The following EPDR1 variants were observed in gnomAD, a reference collection of about 807,000 sequenced individuals.
The protein encoded by EPDR1 is ependymin related 1.
EPDR1 carries 27 observed loss-of-function variants against 23.7 expected under a neutral mutation model. That is an observed-to-expected ratio of 1.14 (90% confidence interval 0.84 to 1.57). The LOEUF is 1.57. EPDR1 is among the 40% of genes most tolerant of loss of function. EPDR1 has a pLI of 0.00. For synonymous variants in EPDR1, 137 were observed against 118.2 expected (o/e 1.16, Z -1.03); for missense variants, 349 against 290.4 (o/e 1.20, Z -1.47).
chr7:37,935,153 G>A (rs1439853965), intron 1 of EPDR1, among the ~76,000 whole-genome samples: 1 of 151,990 alleles, frequency 6.6e-6, no homozygotes, highest in Non-Finnish European at 1.5e-5. Flanking sequence ...GTATCTACAG[G>A]GCTCCAATCT....
chr7:37,927,669 G>A (rs986056003), intron 1 of EPDR1, among the ~76,000 whole-genome samples: 1 of 152,190 alleles, frequency 6.6e-6, no homozygotes, highest in African/African-American at 2.4e-5. Context: ...GTGTTTCTGT[G>A]TGACTGGGGG....
chr7:37,942,893 T>C (rs1471811835), intron 1 of EPDR1, among the ~76,000 whole-genome samples: 2 of 152,160 alleles, frequency 1.3e-5, no homozygotes, highest in African/African-American at 4.8e-5. Context: ...CAGGAAACAA[T>C]GGAAATTGTC....
intron 1 of EPDR1, among the ~76,000 whole-genome samples, chr7:37,947,775 A>G (rs1403880488): frequency 6.6e-6 from 1 of 152,176 alleles, no homozygotes; most frequent in East Asian, 1.9e-4. Context: ...CCCAACACCA[A>G]GATGTCTCAG....
intron 1 of EPDR1, among the ~76,000 whole-genome samples, chr7:37,921,989 T>C (rs1465816921): frequency 2.0e-5 from 3 of 152,204 alleles, no homozygotes; most frequent in African/African-American, 7.2e-5. Flanking sequence ...TTCACATCTG[T>C]TGTGACAAAG....
chr7:37,933,890 A>G (rs1785993162), intron 1 of EPDR1, among the ~76,000 whole-genome samples: 1 of 152,226 alleles, frequency 6.6e-6, no homozygotes, highest in East Asian at 1.9e-4. Flanking sequence ...TGTTTACTCC[A>G]GAATTCTTGG....
At chr7:37,927,220 G>A (rs1392475510) in intron 1 of EPDR1, among the ~76,000 whole-genome samples, 1 of 152,084 alleles carries the variant, frequency 6.6e-6, no homozygotes, top group Non-Finnish European at 1.5e-5. Context: ...ACAAAGCAAG[G>A]GGTGTTAAGT....
At chr7:37,948,431 A>C (rs2722274) in intron 1 of EPDR1, among the ~76,000 whole-genome samples, 134,041 of 151,396 alleles carry the variant, frequency 0.89, 59,498 homozygotes, top group Admixed American at 0.91. Context: ...GAAGCTTTGA[A>C]CTCCCAGGCT....
At chr7:37,933,033 A>G (rs1406922146) in intron 1 of EPDR1, among the ~76,000 whole-genome samples, 1 of 152,216 alleles carries the variant, frequency 6.6e-6, no homozygotes, top group African/African-American at 2.4e-5. Context: ...TAAGTAATTT[A>G]ATTTTCCTTT....
chr7:37,939,930 G>T (rs2132013759), intron 1 of EPDR1, among the ~76,000 whole-genome samples: 1 of 152,220 alleles, frequency 6.6e-6, no homozygotes, highest in African/African-American at 2.4e-5. Flanking sequence ...CTTTTGACCT[G>T]GTAATTCCAC....
At chr7:37,931,421 G>A (rs1785935676) in intron 1 of EPDR1, among the ~76,000 whole-genome samples, 1 of 152,186 alleles carries the variant, frequency 6.6e-6, no homozygotes, top group Admixed American at 6.5e-5. Context: ...GGCTGAGGCA[G>A]GAGAATTGCT....
At chr7:37,942,116 C>T (rs1171312219) in intron 1 of EPDR1, among the ~76,000 whole-genome samples, 1 of 151,988 alleles carries the variant, frequency 6.6e-6, no homozygotes, top group Non-Finnish European at 1.5e-5. Context: ...CACTCATTTG[C>T]GTAAAATGAG....
chr7:37,939,123 C>G (rs1305801567), intron 1 of EPDR1, among the ~76,000 whole-genome samples: 1 of 151,894 alleles, frequency 6.6e-6, no homozygotes, highest in Non-Finnish European at 1.5e-5. Context: ...GAAATACAGG[C>G]GCCCACCACC....
At chr7:37,935,468 A>G (rs1188877141) in intron 1 of EPDR1, among the ~76,000 whole-genome samples, 1 of 152,202 alleles carries the variant, frequency 6.6e-6, no homozygotes, top group Non-Finnish European at 1.5e-5. Flanking sequence ...TTTATATAAC[A>G]ATTTTATATC....
intron 1 of EPDR1, among the ~76,000 whole-genome samples, chr7:37,947,850 G>A (rs1291811511): frequency 1.3e-5 from 2 of 152,190 alleles, no homozygotes; most frequent in African/African-American, 2.4e-5. Flanking sequence ...CTCAGCCTCT[G>A]AATATCTCCC....
intron 1 of EPDR1, among the ~76,000 whole-genome samples, chr7:37,933,426 G>A (rs749545453): frequency 6.6e-6 from 1 of 152,158 alleles, no homozygotes; most frequent in Non-Finnish European, 1.5e-5. Flanking sequence ...AAGGCACATG[G>A]TGTTTAAGAG....
chr7:37,948,342 A>AT (rs56967310), intron 1 of EPDR1, among the ~76,000 whole-genome samples: 1,382 of 135,614 alleles, frequency 0.01, 20 homozygotes, highest in African/African-American at 0.027. Context: ...TTTGACCTCA[A>AT]TTTTTTTTTT....
chr7:37,921,829 A>G (rs1172820122), intron 1 of EPDR1, among the ~76,000 whole-genome samples: 1 of 152,168 alleles, frequency 6.6e-6, no homozygotes, highest in Non-Finnish European at 1.5e-5. Context: ...GCCATACGTT[A>G]TCTGAATCTT....
At chr7:37,926,222 A>G (rs1039368623) in intron 1 of EPDR1, among the ~76,000 whole-genome samples, 6 of 152,180 alleles carry the variant, frequency 3.9e-5, no homozygotes, top group African/African-American at 1.4e-4. Context: ...TTTTGAAACA[A>G]TCTCACACCT....
chr7:37,950,177 A>G, intron 2 of EPDR1, 23 bp from the exon 3 acceptor site: 11 of 1,557,314 alleles, frequency 7.1e-6, no homozygotes, highest in Non-Finnish European at 9.6e-6. Flanking sequence ...TTTATTTAAA[A>G]GTCAACTTTT....
Sources: allele counts gnomAD v4.1 joint callset (sites outside exome capture counted in the v4.1 genomes callset), GRCh38; gene constraint gnomAD v4.1.1; transcripts MANE v1.5; gene names NCBI Gene and HGNC (gene_info 2026-07-23, HGNC 2026-07-21).